Variants in ARHGAP28 observed in about 807,000 individuals in gnomAD.
ARHGAP28 encodes the protein Rho GTPase activating protein 28, also known as rho GTPase-activating protein 28.
A neutral mutation model predicts 90.7 loss-of-function variants in ARHGAP28; 56 were observed. The ratio of observed to expected loss-of-function variants is 0.62; its 90% CI spans 0.50 to 0.77. ARHGAP28 has a LOEUF of 0.77. Ranked by LOEUF, ARHGAP28 falls within the 30% of genes least tolerant of loss-of-function variation. The pLI, the probability that ARHGAP28 is intolerant of heterozygous loss-of-function variation, is 0.00. For missense variants in ARHGAP28, 869 were observed against 900.9 expected (o/e 0.96, Z 0.45); for synonymous variants, 308 against 323.3 (o/e 0.95, Z 0.51).
chr18:6,833,941 G>A (rs1463463877), intron 2 of ARHGAP28, among the ~76,000 whole-genome samples: 1 of 152,086 alleles, frequency 6.6e-6, no homozygotes, highest in East Asian at 1.9e-4. Flanking sequence ...AGTCAGTTAG[G>A]GAATATATAT....
At position 6,736,347 on chromosome 18, in the gene ARHGAP28, A is replaced by G. The variant is rs1182431292; in HGVS notation, c.122+6404A>G. Reference sequence around the variant, plus strand: ...GACACAAAGTATAAAAAATGTTTTAATTTTACCTGGTCTGACTTTATGAAA... The same window carrying G: ...GACACAAAGTATAAAAAATGTTTTAGTTTTACCTGGTCTGACTTTATGAAA... On this transcript the variant is annotated intron_variant, in intron 1 of 17. Transcript: ENST00000383472. 2.6e-5 allele frequency among the ~76,000 whole-genome samples: 4 copies of G among 151,624 alleles called. No homozygotes were observed. The East Asian group carries it at 7.7e-4, about 29-fold the overall frequency.
chr18:6,736,382 A>G (rs1291593607), intron 1 of ARHGAP28, among the ~76,000 whole-genome samples: 3 of 151,820 alleles, frequency 2.0e-5, no homozygotes, highest in Admixed American at 6.6e-5. Context: ...AGCTCTAAAG[A>G]TAGATTTTCT....
At chr18:6,744,251 T>C (rs1022486165) in intron 1 of ARHGAP28, among the ~76,000 whole-genome samples, 68 of 152,250 alleles carry the variant, frequency 4.5e-4, no homozygotes, top group African/African-American at 1.6e-3. Flanking sequence ...CGTTGCAGCA[T>C]GTAACCACAG....
chr18:6,882,639 G>T (rs1452325646), intron 11 of ARHGAP28, among the ~76,000 whole-genome samples: 2 of 152,166 alleles, frequency 1.3e-5, no homozygotes, highest in Non-Finnish European at 2.9e-5. Flanking sequence ...ACCTGTCAGG[G>T]TTGCCGTGGA....
At chr18:6,827,536 G>A (rs1290013459) in intron 2 of ARHGAP28, among the ~76,000 whole-genome samples, 14 of 146,470 alleles carry the variant, frequency 9.6e-5, no homozygotes, top group Non-Finnish European at 1.7e-4. Context: ...CTGACCGGGC[G>A]GGGGGCTGAC....
intron 1 of ARHGAP28, among the ~76,000 whole-genome samples, chr18:6,770,751 AG>A (rs2056235950): frequency 6.6e-6 from 1 of 151,958 alleles, no homozygotes; most frequent in Non-Finnish European, 1.5e-5. Context: ...GCCCTTGGGC[AG>A]CTGAGTGAAG....
chr18:6,912,182 T>C lies in ARHGAP28; in HGVS notation c.*28T>C. On this transcript the variant is annotated 3_prime_UTR_variant, in exon 18 of 18. Coordinates refer to ENST00000383472, the MANE Select transcript of ARHGAP28 (RefSeq NM_001366230.1). ...TATCCTCGAGAGAGCTGCTATCATG[T>C]ATTATATGCCAAAAAGATCCTACAT... 1 of 1,336,624 alleles carries C rather than the reference T, an allele frequency of 7.5e-7. No individual in the cohort carries two copies. The highest frequency in any genetic ancestry group is 1.1e-6 in the Non-Finnish European group (1 of 949,382). 82.8% of individuals were successfully genotyped at this position (1,336,624 alleles called of 1,614,324 possible).
rs937222072 is a variant in ARHGAP28 at position 6,729,834 on chromosome 18, G to T, written c.13G>T (p.Asp5Tyr). Residue 5 changes from aspartate to tyrosine, a missense_variant, in exon 1 of 18, where the codon GAC (aspartate) becomes TAC (tyrosine). Transcript: ENST00000383472. ...TGCGCGGCTGACGATGGAGGTGGAG[G>T]ACTCGGGCGGCGTGGTGCTGACCGC... MEVE[D>Y]SGGVVLTAYH... The T allele has an allele frequency of 7.7e-6, 11 of 1,422,102 alleles. No individual in the cohort carries two copies. In the East Asian group the frequency reaches 3.1e-4, roughly 40 times the overall value. 88.1% of individuals were successfully genotyped at this position (1,422,102 alleles called of 1,614,324 possible). A position where few individuals can be genotyped will look rare whatever the true frequency, so the allele number is the denominator to read the frequency against.
chr18:6,853,474 AT>A (rs34117123), intron 4 of ARHGAP28, among the ~76,000 whole-genome samples: 162 of 146,288 alleles, frequency 1.1e-3, no homozygotes, highest in African/African-American at 1.4e-3. Context: ...TTGCCAATCA[AT>A]TTTTTTTTTT....
intron 1 of ARHGAP28, among the ~76,000 whole-genome samples, chr18:6,822,325 C>G (rs558987459): frequency 2.2e-4 from 33 of 152,162 alleles, no homozygotes; most frequent in African/African-American, 7.2e-4. Flanking sequence ...TATACTTTTT[C>G]TGAGTCTGGT....
intron 14 of ARHGAP28, among the ~76,000 whole-genome samples, chr18:6,892,909 C>G (rs1307423783): frequency 6.6e-6 from 1 of 152,366 alleles, no homozygotes; most frequent in East Asian, 1.9e-4. Flanking sequence ...TCCTCACTTC[C>G]TGCTTGCACA....
intron 9 of ARHGAP28, among the ~76,000 whole-genome samples, chr18:6,874,366 C>T (rs1349167843): frequency 1.3e-5 from 2 of 152,066 alleles, no homozygotes; most frequent in East Asian, 1.9e-4. Context: ...AAGGAGGTTT[C>T]GAAAATGATA....
chr18:6,807,969 C>G (rs912864579), intron 1 of ARHGAP28, among the ~76,000 whole-genome samples: 2 of 152,186 alleles, frequency 1.3e-5, no homozygotes, highest in African/African-American at 4.8e-5. Context: ...ATTCCCTGTT[C>G]CTCCAGGATC....
At chr18:6,772,139 C>T (rs555235676) in intron 1 of ARHGAP28, among the ~76,000 whole-genome samples, 2 of 151,730 alleles carry the variant, frequency 1.3e-5, no homozygotes, top group Non-Finnish European at 2.9e-5. Flanking sequence ...GAAACAAGCC[C>T]AAAAAAGGAC....
intron 15 of ARHGAP28, 67 bp downstream of exon 15, chr18:6,894,958 A>G: frequency 9.3e-6 from 13 of 1,399,616 alleles, no homozygotes; most frequent in Non-Finnish European, 1.3e-5. Flanking sequence ...GACATCCACC[A>G]CATTTATGTA....
intron 11 of ARHGAP28, among the ~76,000 whole-genome samples, chr18:6,884,344 A>G (rs1237362250): frequency 6.6e-6 from 1 of 152,212 alleles, no homozygotes; most frequent in Non-Finnish European, 1.5e-5. Context: ...ACTGCACTCC[A>G]GCCTGGGCGA....
chr18:6,908,700 G>T (rs980504505), intron 16 of ARHGAP28, among the ~76,000 whole-genome samples: 5 of 152,208 alleles, frequency 3.3e-5, no homozygotes, highest in Non-Finnish European at 7.3e-5. Flanking sequence ...GGCAGCTGTG[G>T]CCTGAATGGG....
In ARHGAP28 at chr18:6,730,221, G is replaced by GTATATATATATATA. The variant is rs55890039; in HGVS notation, c.122+281_122+294dup. 1.0e-3 allele frequency: 178 copies of GTATATATATATATA among 175,074 alleles called. 12 individuals are homozygous for GTATATATATATATA. The highest frequency in any genetic ancestry group is 4.6e-3 in the African/African-American group (161 of 34,720). The allele number at this position is 175,074 out of a possible 1,614,324, so 10.8% of individuals were successfully genotyped here. A position where few individuals can be genotyped will look rare whatever the true frequency, so the allele number is the denominator to read the frequency against. ...GATACGATTTGAGGATAAGTCATGT[G>GTATATATATATATA]TATATATATATATATACCTCATTTC... On this transcript the variant is annotated intron_variant, in intron 1 of 17. Coordinates refer to ENST00000383472, the MANE Select transcript of ARHGAP28 (RefSeq NM_001366230.1).
In ARHGAP28 at chr18:6,860,348, T is replaced by C. The variant is rs77841060; in HGVS notation, c.726+451T>C. 0.021 allele frequency among the ~76,000 whole-genome samples: 3,227 copies of C among 152,308 alleles called. 251 individuals carry two copies. The East Asian group carries it at 0.28, about 13-fold the overall frequency. ...TCAGGACTCACTCATGCAAACTCTT[T>C]ACCTTCAGATGAATTCATTCACTTG... On this transcript the variant is annotated intron_variant, in intron 5 of 17. Coordinates refer to ENST00000383472, the MANE Select transcript of ARHGAP28 (RefSeq NM_001366230.1).
Sources: allele counts gnomAD v4.1 joint callset (sites outside exome capture counted in the v4.1 genomes callset), GRCh38; gene constraint gnomAD v4.1.1; transcripts MANE v1.5; gene names NCBI Gene and HGNC (gene_info 2026-07-23, HGNC 2026-07-21).